Variants in UVSSA observed in about 807,000 individuals in gnomAD.
The protein encoded by UVSSA is UV stimulated scaffold protein A.
In UVSSA, 72 loss-of-function variants were observed where a neutral mutation model predicts 73.9. That is an observed-to-expected ratio of 0.97 (90% CI 0.81 to 1.19). The LOEUF (loss-of-function observed/expected upper bound fraction) is 1.19. Ranked by LOEUF, UVSSA falls within the 50% of genes most tolerant of loss-of-function variation. The pLI, the probability that UVSSA is intolerant of heterozygous loss-of-function variation, is 0.00. For synonymous variants in UVSSA, 454 were observed against 391.3 expected, an observed-to-expected ratio of 1.16 and a Z score of -1.89; for missense variants, 1,150 against 965.0, an observed-to-expected ratio of 1.19 and a Z score of -2.54.
rs372906475 is a variant in UVSSA, at chr4:1,380,862, C to T, written c.1753-18C>T. The T allele has an allele frequency of 5.6e-6, 9 of 1,607,582 alleles. No homozygotes were observed. In the Admixed American group the frequency reaches 8.4e-5, roughly 15 times the overall value. ...CGGACCCCTCCCCGCCATCAGCCACCGTGTCCTCGCTGTGCAGTGCCCTTT... is the reference window on the plus strand; with the variant it reads ...CGGACCCCTCCCCGCCATCAGCCACTGTGTCCTCGCTGTGCAGTGCCCTTT... On this transcript the variant is annotated intron_variant, in intron 11 of 13. Coordinates refer to ENST00000389851, the MANE Select transcript of UVSSA (RefSeq NM_020894.4).
At chr4:1,393,574 TTAGATAGATAGATAGATAGATAGATAGA>T (rs56005925) in exon 14 of UVSSA, 1 of 147,584 alleles carries the variant, frequency 6.8e-6, no homozygotes, top group African/African-American at 2.5e-5. Flanking sequence ...GATAGATAGA[TTAGATAGATAGATAGATAGATAGATAGA>T]TAGATAGATA....
At chr4:1,395,292 T>C in exon 14 of UVSSA, 2 of 1,488,612 alleles carry the variant, frequency 1.3e-6, no homozygotes, top group Non-Finnish European at 1.8e-6. Context: ...AGTGCCCGCC[T>C]GCTCACACGT....
At chr4:1,389,122 T>G (rs568898497), downstream of UVSSA, 2 of 152,318 alleles carry the variant, frequency 1.3e-5, no homozygotes, top group South Asian at 4.1e-4. Flanking sequence ...TTCCAGTAGT[T>G]TGCATCTTTC....
intron 7 of UVSSA, 102 bp from the exon 8 acceptor site, chr4:1,366,218 A>G (rs1224011891): frequency 3.3e-6 from 3 of 916,946 alleles, no homozygotes; most frequent in Non-Finnish European, 1.7e-6. Flanking sequence ...AGCAGGGGAA[A>G]AAGCTCCACA....
At chr4:1,346,601 G>A (rs371140977), upstream of UVSSA, among the ~76,000 whole-genome samples, 7 of 152,264 alleles carry the variant, frequency 4.6e-5, no homozygotes, top group East Asian at 9.7e-4. Flanking sequence ...GCCCGCCCAG[G>A]GATTCCCTTC....
intron 8 of UVSSA, among the ~76,000 whole-genome samples, chr4:1,367,516 C>T (rs1717491535): frequency 1.3e-5 from 2 of 152,222 alleles, no homozygotes; most frequent in African/African-American, 4.8e-5. Context: ...TAACGACCTT[C>T]CATTTGTATG....
exon 14 of UVSSA, chr4:1,394,231 A>G: frequency 1.7e-6 from 1 of 604,094 alleles, no homozygotes; most frequent in African/African-American, 1.9e-5. Flanking sequence ...AGAGCTTCTC[A>G]GCGGCCACTG....
At chr4:1,395,312 G>A (rs543060588) in exon 14 of UVSSA, 34 of 1,555,324 alleles carry the variant, frequency 2.2e-5, no homozygotes, top group East Asian at 1.9e-4. Context: ...TGCCCATGTG[G>A]AGTGCCCGCC....
chr4:1,372,735 C>CACCTCCCGCGTCCCTGTACTT (rs1718232536), intron 8 of UVSSA, among the ~76,000 whole-genome samples: 1 of 103,910 alleles, frequency 9.6e-6, no homozygotes, highest in African/African-American at 3.0e-5. Context: ...ACTCAGCACT[C>CACCTCCCGCGTCCCTGTACTT]ACCTCCCGCG....
At position 1,350,587 on chromosome 4, in the gene UVSSA, C is replaced by G. The variant is rs1480679906; in HGVS notation, c.429+733C>G. On this transcript the variant is annotated intron_variant, in intron 3 of 13. Transcript: ENST00000389851. The stretch of plus-strand genomic sequence containing the variant: ...TCTTTTAAGTTAGCAGACGTGCTGG[C>G]TTTCCCGGGCTCAGACAGCAGAGAG... Among the ~76,000 whole-genome samples, 3 of 152,320 alleles carry G rather than the reference C, an allele frequency of 2.0e-5. No individual in the cohort carries two copies. In the South Asian group the frequency reaches 6.2e-4, roughly 32 times the overall value.
At chr4:1,348,030 A>T in intron 1 of UVSSA, 60 bp from the exon 2 acceptor site, 1 of 1,408,900 alleles carries the variant, frequency 7.1e-7, no homozygotes, top group South Asian at 1.2e-5. Context: ...ACACGTTAAT[A>T]ACACCGAGAG....
chr4:1,368,872 A>G (rs1178974365), intron 8 of UVSSA, among the ~76,000 whole-genome samples: 1 of 152,262 alleles, frequency 6.6e-6, no homozygotes, highest in African/African-American at 2.4e-5. Context: ...CTTTCGCTGC[A>G]GCCGCAGGTC....
upstream of UVSSA, among the ~76,000 whole-genome samples, chr4:1,343,903 G>A (rs980112738): frequency 2.0e-5 from 3 of 152,144 alleles, no homozygotes; most frequent in Admixed American, 2.0e-4. Flanking sequence ...AAATCTGCTG[G>A]TCATAATTCA....
At chr4:1,359,239 T>G (rs541244083) in intron 7 of UVSSA, 1 of 152,386 alleles carries the variant, frequency 6.6e-6, no homozygotes, top group South Asian at 2.1e-4. Flanking sequence ...TGAATATGTG[T>G]GCTGTGCGTT....
upstream of UVSSA, among the ~76,000 whole-genome samples, chr4:1,344,065 G>A (rs1560406392): frequency 6.6e-6 from 1 of 151,974 alleles, no homozygotes; most frequent in Non-Finnish European, 1.5e-5. Flanking sequence ...GGAGGGGGAG[G>A]AGGGGACAAG....
At chr4:1,355,047 C>A in intron 6 of UVSSA, 70 bp from the exon 7 acceptor site, 1 of 1,586,296 alleles carries the variant, frequency 6.3e-7, no homozygotes, top group South Asian at 1.2e-5. Context: ...CTGGCATGTG[C>A]CTCCCAGCAG....
rs1416448849 is a variant in UVSSA at position 1,366,432 on chromosome 4, G to A, written c.1288+1G>A. The A allele has an allele frequency of 6.2e-7, 1 of 1,605,358 alleles. No individual in the cohort carries two copies. The highest frequency in any genetic ancestry group is 8.5e-7 in the Non-Finnish European group (1 of 1,175,940). ...CCCGACCACTTGCGGCCTGAGTATG[G>A]TGAGCAGTGGGTCCCGTGGGGGGGG... On this transcript the variant is annotated splice_donor_variant, in intron 8 of 13. Coordinates refer to ENST00000389851, the MANE Select transcript of UVSSA (RefSeq NM_020894.4). LOFTEE classifies it high-confidence loss of function.
chr4:1,391,348 G>C (rs1720409630), downstream of UVSSA: 2 of 152,282 alleles, frequency 1.3e-5, no homozygotes, highest in African/African-American at 4.8e-5. Flanking sequence ...AGGTCTGATT[G>C]GTTTGTAGTC....
upstream of UVSSA, among the ~76,000 whole-genome samples, chr4:1,346,575 C>T (rs1171721234): frequency 6.6e-6 from 1 of 152,112 alleles, no homozygotes; most frequent in Non-Finnish European, 1.5e-5. Flanking sequence ...CCGAGGTGGG[C>T]CCCGAAGACC....
Sources: allele counts gnomAD v4.1 joint callset (sites outside exome capture counted in the v4.1 genomes callset), GRCh38; gene constraint gnomAD v4.1.1; transcripts MANE v1.5; gene names NCBI Gene and HGNC (gene_info 2026-07-23, HGNC 2026-07-21).